Variants in CSMD1 observed in about 807,000 individuals in gnomAD.
CSMD1 encodes the protein CUB and sushi domain-containing protein 1.
In CSMD1, 213 loss-of-function variants were observed where a neutral mutation model predicts 417.5. The ratio of observed to expected loss-of-function variants is 0.51; its 90% confidence interval spans 0.46 to 0.57. The LOEUF is 0.57. Among genes scored for constraint, CSMD1 ranks in the 20% least tolerant of loss-of-function variants. The probability of loss-of-function intolerance (pLI) is 0.00; values close to 1 mark genes in which losing one functional copy is unlikely to be tolerated. For synonymous variants in CSMD1, 2,862 were observed against 1,736.8 expected, an observed-to-expected ratio of 1.65 and a Z score of -16.11; for missense variants, 6,923 against 4,529.7, an observed-to-expected ratio of 1.53 and a Z score of -15.17.
intron 1 of CSMD1, among the ~76,000 whole-genome samples, chr8:4,850,908 C>CCCA (rs1468210352): frequency 6.8e-6 from 1 of 147,456 alleles, no homozygotes; most frequent in Non-Finnish European, 1.5e-5. Flanking sequence ...TTTCCCTTGC[C>CCCA]CCCCCACTTT....
At chr8:3,637,815 T>A (rs1645398908) in intron 7 of CSMD1, among the ~76,000 whole-genome samples, 1 of 152,146 alleles carries the variant, frequency 6.6e-6, no homozygotes, top group Admixed American at 6.6e-5. Flanking sequence ...AGTAATTGAA[T>A]CTTGGGGGCC....
chr8:3,149,729 G>A (rs781200863), intron 40 of CSMD1, among the ~76,000 whole-genome samples: 6 of 152,046 alleles, frequency 3.9e-5, no homozygotes, highest in East Asian at 1.9e-4. Context: ...ACCGGCCTTC[G>A]CCTCCCAATA....
intron 26 of CSMD1, among the ~76,000 whole-genome samples, chr8:3,244,986 T>C (rs960490165): frequency 1.3e-4 from 20 of 152,330 alleles, no homozygotes; most frequent in African/African-American, 4.8e-4. Flanking sequence ...AGAAGAACTG[T>C]GATTCCTCAA....
chr8:4,389,020 C>G (rs958822486), intron 3 of CSMD1, among the ~76,000 whole-genome samples: 1 of 152,210 alleles, frequency 6.6e-6, no homozygotes, highest in African/African-American at 2.4e-5. Flanking sequence ...ACCTAACCAG[C>G]ATTAAGTAAG....
intron 5 of CSMD1, among the ~76,000 whole-genome samples, chr8:3,982,121 G>T (rs1007787699): frequency 6.6e-6 from 1 of 150,500 alleles, no homozygotes; most frequent in South Asian, 2.1e-4. Flanking sequence ...TTGCACAACT[G>T]CACTCCAGCC....
At chr8:3,924,927 T>G (rs910849372) in intron 5 of CSMD1, among the ~76,000 whole-genome samples, 4 of 152,186 alleles carry the variant, frequency 2.6e-5, no homozygotes, top group Non-Finnish European at 5.9e-5. Context: ...TTTCCTTTAT[T>G]TTTTTCTCTC....
chr8:3,041,154 T>A (rs1359922552), intron 50 of CSMD1, among the ~76,000 whole-genome samples: 1 of 152,324 alleles, frequency 6.6e-6, no homozygotes, highest in Non-Finnish European at 1.5e-5. Context: ...GAAATTGATG[T>A]CATTCAACAT....
chr8:3,747,173 G>C (rs992632290), intron 6 of CSMD1, among the ~76,000 whole-genome samples: 1 of 152,214 alleles, frequency 6.6e-6, no homozygotes, highest in Non-Finnish European at 1.5e-5. Flanking sequence ...TCCTGGTTCT[G>C]CCATTTGCAA....
At chr8:4,596,352 G>A (rs147078927) in intron 2 of CSMD1, among the ~76,000 whole-genome samples, 65 of 152,238 alleles carry the variant, frequency 4.3e-4, no homozygotes, top group African/African-American at 1.5e-3. Context: ...TCCTCTCTAA[G>A]GGTCTCAGGG....
intron 3 of CSMD1, among the ~76,000 whole-genome samples, chr8:4,103,657 A>T (rs1191639890): frequency 6.6e-6 from 1 of 152,106 alleles, no homozygotes; most frequent in Non-Finnish European, 1.5e-5. Context: ...TAGGTATCTG[A>T]TATGCCACAT....
intron 5 of CSMD1, among the ~76,000 whole-genome samples, chr8:3,883,708 A>G (rs1349491533): frequency 6.6e-6 from 1 of 152,148 alleles, no homozygotes; most frequent in Non-Finnish European, 1.5e-5. Context: ...TGGCATGGTT[A>G]TGATTTATGG....
chr8:4,518,203 C>T (rs1334705466), intron 2 of CSMD1, among the ~76,000 whole-genome samples: 3 of 152,084 alleles, frequency 2.0e-5, no homozygotes, highest in Non-Finnish European at 4.4e-5. Context: ...TGGGCTGACT[C>T]AATGCCTCAT....
intron 11 of CSMD1, among the ~76,000 whole-genome samples, chr8:3,480,621 T>A (rs1792517807): frequency 6.6e-6 from 1 of 151,650 alleles, no homozygotes. Context: ...CCTAAACAAA[T>A]CCATTCCAAG....
At chr8:3,539,957 G>C (rs1798369178) in intron 10 of CSMD1, among the ~76,000 whole-genome samples, 1 of 152,114 alleles carries the variant, frequency 6.6e-6, no homozygotes, top group Non-Finnish European at 1.5e-5. Flanking sequence ...ATAAATTGTA[G>C]CTAGTTTGAG....
intron 1 of CSMD1, among the ~76,000 whole-genome samples, chr8:4,955,347 T>C (rs984965995): frequency 2.0e-5 from 3 of 152,176 alleles, no homozygotes; most frequent in African/African-American, 2.4e-5. Flanking sequence ...GTACTTCCCA[T>C]GCATTTTATG....
chr8:4,278,444 G>A (rs1426123383), intron 3 of CSMD1, among the ~76,000 whole-genome samples: 1 of 152,118 alleles, frequency 6.6e-6, no homozygotes, highest in African/African-American at 2.4e-5. Context: ...TGCTGCTATA[G>A]CTATATAAAA....
chr8:4,488,888 A>T (rs1407884278), intron 2 of CSMD1, among the ~76,000 whole-genome samples: 1 of 152,214 alleles, frequency 6.6e-6, no homozygotes, highest in East Asian at 1.9e-4. Flanking sequence ...TTCCTGCAGA[A>T]TGTGCATGCC....
chr8:4,678,807 T>C (rs1805852210), intron 1 of CSMD1, among the ~76,000 whole-genome samples: 1 of 152,240 alleles, frequency 6.6e-6, no homozygotes, highest in Admixed American at 6.5e-5. Context: ...TTAACCTGTA[T>C]GTAGCAAGGG....
chr8:3,139,874 TTTTTTTCTTTC>T (rs1818325550), intron 41 of CSMD1, among the ~76,000 whole-genome samples: 1 of 151,300 alleles, frequency 6.6e-6, no homozygotes, highest in Non-Finnish European at 1.5e-5. Flanking sequence ...AGATTACCGT[TTTTTTTCTTTC>T]TTTTTTCTTT....
Sources: allele counts gnomAD v4.1 joint callset (sites outside exome capture counted in the v4.1 genomes callset), GRCh38; gene constraint gnomAD v4.1.1; transcripts MANE v1.5; gene names NCBI Gene and HGNC (gene_info 2026-07-23, HGNC 2026-07-21).